Variants in ZSCAN25 observed in about 807,000 individuals in gnomAD.
The protein encoded by ZSCAN25 is zinc finger and SCAN domain containing 25, also known as zinc finger and SCAN domain-containing protein 25.
A neutral mutation model predicts 38.7 loss-of-function variants in ZSCAN25; 27 were observed. That is an observed-to-expected ratio of 0.70 (90% CI 0.51 to 0.96). The LOEUF (loss-of-function observed/expected upper bound fraction) is 0.96. ZSCAN25 is among the 40% of genes least tolerant of loss of function. ZSCAN25 has a pLI of 0.00. For synonymous variants in ZSCAN25, 273 were observed against 277.7 expected (o/e 0.98, Z 0.17); for missense variants, 637 against 705.9 (o/e 0.90, Z 1.11).
downstream of ZSCAN25, among the ~76,000 whole-genome samples, chr7:99,636,445 AT>A (rs900226403): frequency 6.6e-6 from 1 of 152,004 alleles, no homozygotes; most frequent in East Asian, 1.9e-4. Context: ...TAAATAGTTC[AT>A]TTTTTTTATA....
At chr7:99,637,270 C>T (rs202199498), downstream of ZSCAN25, among the ~76,000 whole-genome samples, 10 of 152,100 alleles carry the variant, frequency 6.6e-5, no homozygotes, top group African/African-American at 2.4e-4. Context: ...TGGTCTTAGG[C>T]GTTTGTAACA....
chr7:99,713,460 T>G, the ZSCAN25 span: 1 of 1,613,378 alleles, frequency 6.2e-7, no homozygotes, highest in Middle Eastern at 1.7e-4. Flanking sequence ...AGAAGCACTC[T>G]TTTGTTACCT....
chr7:99,633,826 TG>T (rs1370013009), downstream of ZSCAN25, among the ~76,000 whole-genome samples: 3 of 152,254 alleles, frequency 2.0e-5, no homozygotes, highest in Admixed American at 6.5e-5. Flanking sequence ...TGGAGGCCCC[TG>T]GACCTTGGCT....
the ZSCAN25 span, chr7:99,665,184 G>T: frequency 6.2e-7 from 1 of 1,612,774 alleles, no homozygotes; most frequent in Non-Finnish European, 8.5e-7. Flanking sequence ...AGAAATAATG[G>T]ATCTAAGAAA....
At position 99,631,710 on chromosome 7, in the gene ZSCAN25, T is replaced by C; in HGVS notation, c.*1690T>C. 1.0e-6 allele frequency: 1 copy of C among 985,428 alleles called. No individual in the cohort carries two copies. Among genetic ancestry groups the C allele is most frequent in the Non-Finnish European group, 1.2e-6 (1 of 829,938 alleles). The allele number at this position is 985,428 out of a possible 1,614,324, so 61.0% of individuals were successfully genotyped here. On this transcript the variant is annotated 3_prime_UTR_variant, in exon 8 of 8. Transcript: ENST00000394152. ...CAGCCCACTTTGAAACGTGGTTTTA[T>C]CACCTGTTCTTGTTAGGCAGCATGG...
the ZSCAN25 span, chr7:99,647,458 A>AT: frequency 1.0e-6 from 1 of 983,806 alleles, no homozygotes; most frequent in Non-Finnish European, 1.2e-6. Flanking sequence ...CGAATTGACA[A>AT]TTTTTTATTC....
At chr7:99,706,774 A>G in the ZSCAN25 span, among the ~76,000 whole-genome samples, 1 of 152,264 alleles carries the variant, frequency 6.6e-6, no homozygotes, top group African/African-American at 2.4e-5. Flanking sequence ...TAAAAAACTT[A>G]ATATTTGTAT....
the ZSCAN25 span, among the ~76,000 whole-genome samples, chr7:99,680,462 C>G: frequency 6.6e-6 from 1 of 152,216 alleles, no homozygotes; most frequent in South Asian, 2.1e-4. Flanking sequence ...TCCTATCCCC[C>G]TCACACAGTC....
At chr7:99,651,551 A>G in the ZSCAN25 span, among the ~76,000 whole-genome samples, 1 of 152,312 alleles carries the variant, frequency 6.6e-6, no homozygotes, top group African/African-American at 2.4e-5. Flanking sequence ...TACTCTGTGA[A>G]CAAGTATTAT....
the ZSCAN25 span, among the ~76,000 whole-genome samples, chr7:99,665,516 T>G: frequency 7.6e-4 from 116 of 152,172 alleles, 1 homozygote; most frequent in East Asian, 0.011. Context: ...ATGCTGGGGG[T>G]GATGGAGACA....
chr7:99,638,445 T>C, the ZSCAN25 span: 4 of 1,562,168 alleles, frequency 2.6e-6, no homozygotes, highest in African/African-American at 2.7e-5. Flanking sequence ...CTCCCGGTCA[T>C]TGATAATGTG....
the ZSCAN25 span, among the ~76,000 whole-genome samples, chr7:99,704,105 G>GT: frequency 5.9e-5 from 9 of 151,804 alleles, no homozygotes; most frequent in Admixed American, 2.0e-4. Flanking sequence ...CCAATCAACT[G>GT]TTTTTTTTAT....
the ZSCAN25 span, chr7:99,709,114 C>T: frequency 1.4e-5 from 23 of 1,613,828 alleles, no homozygotes; most frequent in African/African-American, 2.7e-5. Context: ...ATCACCACCA[C>T]CCCTTTGGGA....
the ZSCAN25 span, among the ~76,000 whole-genome samples, chr7:99,656,167 A>G: frequency 6.6e-6 from 1 of 152,188 alleles, no homozygotes; most frequent in Non-Finnish European, 1.5e-5. Flanking sequence ...CAGTTTTCAA[A>G]GGGAATGATT....
the ZSCAN25 span, among the ~76,000 whole-genome samples, chr7:99,694,276 A>G: frequency 6.6e-6 from 1 of 152,236 alleles, no homozygotes; most frequent in East Asian, 1.9e-4. Context: ...AGCTCGCTCT[A>G]GAATTCTAGC....
the ZSCAN25 span, chr7:99,660,128 T>C: frequency 6.6e-6 from 5 of 759,032 alleles, no homozygotes; most frequent in Non-Finnish European, 8.0e-6. Context: ...CAGTTGGAAA[T>C]GCAGAAATCA....
intron 7 of ZSCAN25, among the ~76,000 whole-genome samples, chr7:99,628,162 G>A (rs550881989): frequency 1.3e-5 from 2 of 152,256 alleles, no homozygotes; most frequent in South Asian, 4.2e-4. Flanking sequence ...TAAAATCTTT[G>A]CGTGTACAAA....
At chr7:99,710,260 T>C in the ZSCAN25 span, among the ~76,000 whole-genome samples, 1 of 152,204 alleles carries the variant, frequency 6.6e-6, no homozygotes. Flanking sequence ...AGAAGTCAGA[T>C]ACCCTGGTTC....
chr7:99,627,248 C>T (rs1244084061), intron 7 of ZSCAN25, among the ~76,000 whole-genome samples: 1 of 152,148 alleles, frequency 6.6e-6, no homozygotes, highest in African/African-American at 2.4e-5. Flanking sequence ...ATAATTTCAT[C>T]TAAGAAAATA....
Sources: allele counts gnomAD v4.1 joint callset (sites outside exome capture counted in the v4.1 genomes callset), GRCh38; gene constraint gnomAD v4.1.1; transcripts MANE v1.5; gene names NCBI Gene and HGNC (gene_info 2026-07-23, HGNC 2026-07-21).